ZNF28: variants seen among roughly 807,000 people sequenced by gnomAD.
ZNF28 encodes the protein zinc finger protein KOX24.
A neutral mutation model predicts 7.2 loss-of-function variants in ZNF28; 5 were observed. The observed-to-expected ratio is 0.70, with a 90% CI of 0.36 to 1.46. The LOEUF (loss-of-function observed/expected upper bound fraction) is 1.46, where lower values mean the gene tolerates loss of function less well. Ranked by LOEUF, ZNF28 falls within the 40% of genes most tolerant of loss-of-function variation. The pLI, the probability that ZNF28 is intolerant of heterozygous loss-of-function variation, is 0.03. For synonymous variants in ZNF28, 288 were observed against 292.4 expected, an observed-to-expected ratio of 0.99 and a Z score of 0.15; for missense variants, 879 against 866.6, an observed-to-expected ratio of 1.01 and a Z score of -0.18.
intron 3 of ZNF28, among the ~76,000 whole-genome samples, chr19:52,807,198 C>T (rs1314027391): frequency 6.6e-6 from 1 of 151,968 alleles, no homozygotes; most frequent in Admixed American, 6.6e-5. Flanking sequence ...GACAGCAGGT[C>T]AGAAAGAGAC....
intron 3 of ZNF28, among the ~76,000 whole-genome samples, chr19:52,804,774 G>T (rs2062915704): frequency 6.6e-6 from 1 of 152,090 alleles, no homozygotes; most frequent in Admixed American, 6.6e-5. Flanking sequence ...GAAAGTGCTG[G>T]GATTAGAAAA....
Position 52,800,986 on chromosome 19 carries a change from A to G in ZNF28, c.859T>C (p.Phe287Leu), listed in dbSNP as rs754046742. 6.2e-7 allele frequency: 1 copy of G among 1,614,100 alleles called. No homozygotes were observed. The highest frequency in any genetic ancestry group is 8.5e-7 in the Non-Finnish European group (1 of 1,180,012). The change falls in exon 4 of 4, where the codon TTC (phenylalanine) becomes CTC (leucine). Residue 287 changes from phenylalanine to leucine, a missense_variant. Physicochemically the swap from Phe to Leu is conservative, Grantham distance 22. This residue lies in a region of ZNF28 where 864 missense variants were observed against 830.2 expected (regional missense o/e 1.04). Coordinates refer to ENST00000457749, the MANE Select transcript of ZNF28 (RefSeq NM_006969.5). ...GCAGTATGAAGCGCCTTGTGAAGGAAGAGGGATGTATTGTGACCAAAGATC... is the reference window on the plus strand; with the variant it reads ...GCAGTATGAAGCGCCTTGTGAAGGAGGAGGGATGTATTGTGACCAAAGATC... ...GKIFGHNTSL[F>L]LHKALHTADK...
chr19:52,812,461 C>T (rs1485743310), intron 2 of ZNF28, among the ~76,000 whole-genome samples: 1 of 123,070 alleles, frequency 8.1e-6, no homozygotes, highest in African/African-American at 3.6e-5. Flanking sequence ...GATCTGTGAC[C>T]TTATCCCCAA....
chr19:52,799,019 T>TAACA lies in ZNF28; in HGVS notation c.*668_*669insTGTT. ...AGCCTTGTTACAAACCTTACATTTG[T>TAACA]ATGTTTTTTCTCCAGTATGAATTCT... On this transcript the variant is annotated 3_prime_UTR_variant, in exon 4 of 4. Coordinates refer to ENST00000457749, the MANE Select transcript of ZNF28 (RefSeq NM_006969.5). 1 of 747,052 alleles carries TAACA rather than the reference T, an allele frequency of 1.3e-6. No individual in the cohort carries two copies. Among genetic ancestry groups the TAACA allele is most frequent in the Non-Finnish European group, 2.1e-6 (1 of 480,592 alleles). 46.3% of individuals were successfully genotyped at this position (747,052 alleles called of 1,614,324 possible).
At chr19:52,801,816 C>G in intron 3 of ZNF28, 114 bp from the exon 4 acceptor site, 7 of 1,030,174 alleles carry the variant, frequency 6.8e-6, no homozygotes, top group Non-Finnish European at 9.8e-6. Flanking sequence ...CAAACATGAT[C>G]TTCAAAGTTT....
At chr19:52,819,131 CA>C (rs1479446771) in intron 1 of ZNF28, among the ~76,000 whole-genome samples, 1 of 139,236 alleles carries the variant, frequency 7.2e-6, no homozygotes, top group Non-Finnish European at 1.5e-5. Context: ...AAGAGAAAAG[CA>C]AATGTGACTG....
intron 2 of ZNF28, among the ~76,000 whole-genome samples, chr19:52,816,339 T>C (rs1600480107): frequency 6.8e-6 from 1 of 146,362 alleles, no homozygotes; most frequent in Non-Finnish European, 1.5e-5. Flanking sequence ...GCCAACATGG[T>C]GAAACCCTGT....
chr19:52,811,830 C>T (rs2063048639), intron 2 of ZNF28, among the ~76,000 whole-genome samples: 1 of 148,014 alleles, frequency 6.8e-6, no homozygotes, highest in Non-Finnish European at 1.5e-5. Flanking sequence ...GCCCGGCCGC[C>T]CCTACTGGGA....
At chr19:52,810,776 AACC>A (rs200071275) in intron 2 of ZNF28, 14 of 529,410 alleles carry the variant, frequency 2.6e-5, no homozygotes, top group African/African-American at 5.4e-5. Flanking sequence ...AATAAAAAAA[AACC>A]CAAAAAAAAC....
chr19:52,820,793 C>T (rs2147700810), intron 1 of ZNF28, among the ~76,000 whole-genome samples: 1 of 152,196 alleles, frequency 6.6e-6, no homozygotes, highest in East Asian at 1.9e-4. Context: ...TATCTTTTAT[C>T]ACTTTTGCTG....
At position 52,801,712 on chromosome 19, in the gene ZNF28, A is replaced by G. The variant is rs771425326; in HGVS notation, c.143-10T>C. 2.5e-6 allele frequency: 4 copies of G among 1,606,418 alleles called. No individual in the cohort carries two copies. The African/African-American group carries it at 4.0e-5, about 16-fold the overall frequency. The stretch of plus-strand genomic sequence containing the variant: ...CATTTGGAAGAGATATCTACAAAAT[A>G]TAAACACCAATAGGTTTCCAATGAA... On this transcript the variant is annotated splice_polypyrimidine_tract_variant and intron_variant, in intron 3 of 3. Transcript: ENST00000457749.
At chr19:52,811,182 G>A (rs1018046622) in intron 2 of ZNF28, among the ~76,000 whole-genome samples, 5 of 150,898 alleles carry the variant, frequency 3.3e-5, no homozygotes, top group African/African-American at 1.2e-4. Context: ...ATGGAGTCTC[G>A]TTCACTCAGT....
intron 2 of ZNF28, among the ~76,000 whole-genome samples, chr19:52,810,876 TCCCCCTCC>T (rs2063019586): frequency 2.1e-4 from 1 of 4,666 alleles, no homozygotes; most frequent in Non-Finnish European, 3.9e-4. Context: ...CCCCTCCCCC[TCCCCCTCC>T]CCCTCCCCCT....
At chr19:52,809,823 G>GGCAGCGGCA (rs937356672) in intron 2 of ZNF28, 7 of 423,300 alleles carry the variant, frequency 1.7e-5, no homozygotes, top group Non-Finnish European at 2.9e-5. Context: ...GAGCGGCGAA[G>GGCAGCGGCA]GCGGCGGCGG....
In ZNF28 at chr19:52,800,529, T is replaced by C; in HGVS notation, c.1316A>G (p.Tyr439Cys). Residue 439 changes from tyrosine (Y) to cysteine (C), a missense_variant, in exon 4 of 4, where the codon TAC (tyrosine) becomes TGC (cysteine). Tyr to Cys is a radical substitution (Grantham distance 194). Coordinates refer to ENST00000457749, the MANE Select transcript of ZNF28 (RefSeq NM_006969.5). ...AACCTTGCCACATTCATTACACTTG[T>C]AAGGCTTCTCTCCAGTGTGAATTAT... Reference protein sequence around the residue: ...HSIIHTGEKPYKCNECGKVFN... With the variant: ...HSIIHTGEKPCKCNECGKVFN... The C allele has an allele frequency of 1.2e-6, 2 of 1,613,706 alleles. No individual in the cohort carries two copies. The highest frequency in any genetic ancestry group is 1.7e-6 in the Non-Finnish European group (2 of 1,179,880).
intron 3 of ZNF28, among the ~76,000 whole-genome samples, chr19:52,804,694 G>C (rs773007675): frequency 6.6e-6 from 1 of 151,916 alleles, no homozygotes; most frequent in Non-Finnish European, 1.5e-5. Context: ...TAGTAAATTC[G>C]AGGTTTCACC....
At position 52,809,846 on chromosome 19, in the gene ZNF28, T is replaced by TGGTGGC. The variant is rs1568654458; in HGVS notation, c.16-1719_16-1714dup. The TGGTGGC allele has an allele frequency of 1.4e-5, 7 of 490,986 alleles. No homozygotes were observed. The African/African-American group carries it at 1.6e-4, about 11-fold the overall frequency. 30.4% of individuals were successfully genotyped at this position (490,986 alleles called of 1,614,324 possible). ...AAGGCGGCGGCGGCGGCGGTGGCGG[T>TGGTGGC]GGTGGCAGTAGCACTGGGCCTGCGG... is the stretch of plus-strand genomic sequence containing the variant. On this transcript the variant is annotated intron_variant, in intron 2 of 3. Coordinates refer to ENST00000457749, the MANE Select transcript of ZNF28 (RefSeq NM_006969.5).
At position 52,810,943 on chromosome 19, in the gene ZNF28, A is replaced by G. The variant is rs1266974890; in HGVS notation, c.16-2810T>C. ...CACAGTCTCCCTCTGATGCCGAGCC[A>G]AAGCTGGACGGTACTGCTGCCATCT... On this transcript the variant is annotated intron_variant, in intron 2 of 3. Transcript: ENST00000457749. Among the ~76,000 whole-genome samples the G allele has an allele frequency of 1.4e-4, 18 of 124,716 alleles. 1 individual carries two copies. The highest frequency in any genetic ancestry group is 9.8e-4 in the Admixed American group (11 of 11,230). 81.8% of individuals were successfully genotyped at this position (124,716 alleles called of 152,430 possible).
intron 3 of ZNF28, 104 bp downstream of exon 3, chr19:52,807,903 T>G (rs1411771667): frequency 6.4e-7 from 1 of 1,552,010 alleles, no homozygotes; most frequent in East Asian, 2.2e-5. Flanking sequence ...CATTTCAAAA[T>G]CAATACGGCT....
Sources: allele counts gnomAD v4.1 joint callset (sites outside exome capture counted in the v4.1 genomes callset), GRCh38; gene constraint gnomAD v4.1.1; regional missense constraint gnomAD v4.1.1; transcripts MANE v1.5; gene names NCBI Gene and HGNC (gene_info 2026-07-23, HGNC 2026-07-21).